TMEM135: variants seen among roughly 807,000 people sequenced by gnomAD.
The protein encoded by TMEM135 is peroxisomal membrane protein 52.
In TMEM135, 30 loss-of-function variants were observed where a neutral mutation model predicts 60.3. That is an observed-to-expected ratio of 0.50 (90% CI 0.37 to 0.68). The LOEUF (loss-of-function observed/expected upper bound fraction) is 0.68, where lower values mean the gene tolerates loss of function less well. TMEM135 is among the 30% of genes least tolerant of loss of function. TMEM135 has a pLI of 0.00. For missense variants in TMEM135, 468 were observed against 548.8 expected (o/e 0.85, Z 1.47); for synonymous variants, 190 against 186.7 (o/e 1.02, Z -0.14).
chr11:87,299,467 A>G (rs1942407141), intron 7 of TMEM135, among the ~76,000 whole-genome samples: 1 of 152,222 alleles, frequency 6.6e-6, no homozygotes, highest in South Asian at 2.1e-4. Flanking sequence ...TCCCTCCCTC[A>G]ACATGTGAGG....
Position 87,267,573 on chromosome 11 carries a change from C to CT in TMEM135, c.510-28202dup, listed in dbSNP as rs573050888. Among the ~76,000 whole-genome samples the CT allele has an allele frequency of 2.0e-5, 3 of 152,130 alleles. No homozygotes were observed. The South Asian group carries it at 6.2e-4, about 32-fold the overall frequency. ...ATCAAATAGTTATGTAAGTTTATTT[C>CT]TTTTTTTATTTGGATTTCGTGATTG... On this transcript the variant is annotated intron_variant, in intron 6 of 14. Transcript: ENST00000305494.
chr11:87,061,371 A>T (rs1949945645), intron 1 of TMEM135, among the ~76,000 whole-genome samples: 1 of 152,216 alleles, frequency 6.6e-6, no homozygotes, highest in Non-Finnish European at 1.5e-5. Context: ...CCTTCAATGC[A>T]TAGGACAGCC....
chr11:87,072,360 A>G (rs1590996790), intron 3 of TMEM135, among the ~76,000 whole-genome samples: 1 of 152,246 alleles, frequency 6.6e-6, no homozygotes, highest in Non-Finnish European at 1.5e-5. Flanking sequence ...TTGATCTCAA[A>G]TCAATTATTA....
At chr11:87,149,444 A>C (rs1391827942) in intron 4 of TMEM135, among the ~76,000 whole-genome samples, 1 of 152,188 alleles carries the variant, frequency 6.6e-6, no homozygotes, top group Non-Finnish European at 1.5e-5. Flanking sequence ...GAAAATTTAC[A>C]CAGTGGGAGA....
chr11:87,040,314 A>G (rs1158818499), intron 1 of TMEM135, among the ~76,000 whole-genome samples: 1 of 152,026 alleles, frequency 6.6e-6, no homozygotes, highest in East Asian at 1.9e-4. Flanking sequence ...TTAAATGTAT[A>G]CCCCCATGTA....
chr11:87,292,400 A>G (rs1942282660), intron 6 of TMEM135, among the ~76,000 whole-genome samples: 2 of 152,204 alleles, frequency 1.3e-5, no homozygotes, highest in South Asian at 4.1e-4. Flanking sequence ...GCTTATACAT[A>G]GTGGCCATTT....
At chr11:87,107,511 A>G (rs898077501) in intron 4 of TMEM135, among the ~76,000 whole-genome samples, 1 of 150,582 alleles carries the variant, frequency 6.6e-6, no homozygotes, top group Non-Finnish European at 1.5e-5. Context: ...GAGAACATGC[A>G]GTGTTTAGTT....
chr11:87,092,301 G>T (rs1171812366), intron 4 of TMEM135, among the ~76,000 whole-genome samples: 1 of 152,174 alleles, frequency 6.6e-6, no homozygotes, highest in African/African-American at 2.4e-5. Flanking sequence ...ATAGGGTCCT[G>T]TGGAAATTAT....
At chr11:87,238,261 A>C (rs754967291) in intron 6 of TMEM135, among the ~76,000 whole-genome samples, 2 of 151,982 alleles carry the variant, frequency 1.3e-5, no homozygotes, top group Non-Finnish European at 2.9e-5. Context: ...TCCTGCTAGT[A>C]TGTCCTAATA....
Position 87,328,720 on chromosome 11 carries a change from T to C in TMEM135, c.*7387T>C, listed in dbSNP as rs565637013. On this transcript the variant is annotated 3_prime_UTR_variant, in exon 15 of 15. Coordinates refer to ENST00000305494, the MANE Select transcript of TMEM135 (RefSeq NM_022918.4). ...TGAGTAGTATTCCATGGTGCATATA[T>C]ACCACATTTTCTTTATCCACTCATT... is the stretch of plus-strand genomic sequence containing the variant. 2.6e-4 allele frequency: 117 copies of C among 454,152 alleles called. No homozygotes were observed. Among genetic ancestry groups the C allele is most frequent in the African/African-American group, 2.2e-3 (112 of 50,140 alleles). The allele number at this position is 454,152 out of a possible 1,614,324, so 28.1% of individuals were successfully genotyped here. A position where few individuals can be genotyped will look rare whatever the true frequency, so the allele number is the denominator to read the frequency against.
At chr11:87,079,152 C>T (rs552068643) in intron 3 of TMEM135, among the ~76,000 whole-genome samples, 1 of 152,176 alleles carries the variant, frequency 6.6e-6, no homozygotes, top group South Asian at 2.1e-4. Context: ...ACTACAGGTG[C>T]ATGCCACCAC....
chr11:87,282,169 A>G (rs897008148), intron 6 of TMEM135, among the ~76,000 whole-genome samples: 1 of 152,204 alleles, frequency 6.6e-6, no homozygotes, highest in African/African-American at 2.4e-5. Flanking sequence ...AAGAGAAGCC[A>G]GCATGAAGTC....
At position 87,327,895 on chromosome 11, in the gene TMEM135, T is replaced by C; in HGVS notation, c.*6562T>C. On this transcript the variant is annotated 3_prime_UTR_variant, in exon 15 of 15. Transcript: ENST00000305494. ...GGAGAGAGAGAAGCCAATTCTCCTT[T>C]CTTCTGTTTTTATTCTACCCAGGCC... The C allele has an allele frequency of 2.2e-6, 1 of 453,976 alleles. No homozygotes were observed. Among genetic ancestry groups the C allele is most frequent in the South Asian group, 1.6e-5 (1 of 64,458 alleles). The allele number at this position is 453,976 out of a possible 1,614,324, so 28.1% of individuals were successfully genotyped here.
In TMEM135 at chr11:87,210,860, C is replaced by T. The variant is rs1940352412; in HGVS notation, c.463-25778C>T. On this transcript the variant is annotated intron_variant, in intron 5 of 14. Transcript: ENST00000305494. ...TGATTTAACATGCAAATCAGTAATGCAATTCACCATATGAATGGGATTAAG... is the reference window on the plus strand; with the variant it reads ...TGATTTAACATGCAAATCAGTAATGTAATTCACCATATGAATGGGATTAAG... Among the ~76,000 whole-genome samples, 3 of 152,102 alleles carry T rather than the reference C, an allele frequency of 2.0e-5. No individual in the cohort carries two copies. The South Asian group carries it at 6.2e-4, about 32-fold the overall frequency.
chr11:87,121,010 T>G (rs1416264101), intron 4 of TMEM135: 1 of 152,194 alleles, frequency 6.6e-6, no homozygotes, highest in East Asian at 1.9e-4. Flanking sequence ...GTAGGTACCA[T>G]TCAATATGTA....
intron 4 of TMEM135, among the ~76,000 whole-genome samples, chr11:87,146,712 T>C (rs564025200): frequency 2.7e-4 from 41 of 152,342 alleles, no homozygotes; most frequent in African/African-American, 9.4e-4. Context: ...TTCAATGTTT[T>C]ACGCCATCTA....
chr11:87,252,798 A>ATATGTGTG (rs1555124821), intron 6 of TMEM135, among the ~76,000 whole-genome samples: 24 of 134,214 alleles, frequency 1.8e-4, no homozygotes, highest in Non-Finnish European at 2.5e-4. Context: ...TAAAATATAT[A>ATATGTGTG]TGTGTGTGTG....
chr11:87,188,150 A>T (rs522727), intron 5 of TMEM135, among the ~76,000 whole-genome samples: 41,464 of 151,808 alleles, frequency 0.27, 5,977 homozygotes, highest in African/African-American at 0.35. Context: ...CTTATGCTTG[A>T]TTCTTTAGAG....
chr11:87,067,640 A>G, intron 1 of TMEM135, 54 bp from the exon 2 acceptor site: 1 of 1,607,830 alleles, frequency 6.2e-7, no homozygotes, highest in African/African-American at 1.3e-5. Flanking sequence ...CATATAAGCT[A>G]ATTTAAGTGG....
Sources: allele counts gnomAD v4.1 joint callset (sites outside exome capture counted in the v4.1 genomes callset), GRCh38; gene constraint gnomAD v4.1.1; transcripts MANE v1.5; gene names NCBI Gene and HGNC (gene_info 2026-07-23, HGNC 2026-07-21).